The following RAD51B variants were observed in gnomAD, a reference collection of about 807,000 sequenced individuals.
RAD51B encodes DNA repair protein RAD51 homolog 2.
RAD51B carries 38 observed loss-of-function variants against 42.2 expected under a neutral mutation model. The observed-to-expected ratio is 0.90, with a 90% CI of 0.70 to 1.18. The LOEUF (loss-of-function observed/expected upper bound fraction) is 1.18, where lower values mean the gene tolerates loss of function less well. RAD51B is among the 50% of genes most tolerant of loss of function. The pLI, the probability that RAD51B is intolerant of heterozygous loss-of-function variation, is 0.00. For missense variants in RAD51B, 373 were observed against 400.7 expected (o/e 0.93, Z 0.59); for synonymous variants, 154 against 145.2 (o/e 1.06, Z -0.43).
intron 7 of RAD51B, among the ~76,000 whole-genome samples, chr14:68,072,543 G>C (rs1350683301): frequency 6.6e-6 from 1 of 151,978 alleles, no homozygotes; most frequent in Non-Finnish European, 1.5e-5. Context: ...ATTAAGAGTG[G>C]GTCTGCCTTC....
At chr14:68,486,332 G>A (rs1883619289) in intron 10 of RAD51B, among the ~76,000 whole-genome samples, 1 of 152,158 alleles carries the variant, frequency 6.6e-6, no homozygotes, top group Admixed American at 6.5e-5. Context: ...CCAGATCCCT[G>A]CCCATTCTAT....
intron 8 of RAD51B, among the ~76,000 whole-genome samples, chr14:68,410,368 G>A (rs2084384446): frequency 6.6e-6 from 1 of 152,220 alleles, no homozygotes; most frequent in South Asian, 2.1e-4. Context: ...GTAGTAAGGG[G>A]ACAACGGATG....
intron 7 of RAD51B, among the ~76,000 whole-genome samples, chr14:68,237,841 T>TC (rs2080295349): frequency 6.6e-6 from 1 of 150,514 alleles, no homozygotes; most frequent in Admixed American, 6.7e-5. Flanking sequence ...TTCAAGTGAT[T>TC]CCCCTGCCTC....
chr14:68,321,568 G>A (rs775323376), intron 8 of RAD51B, among the ~76,000 whole-genome samples: 1 of 152,142 alleles, frequency 6.6e-6, no homozygotes, highest in Non-Finnish European at 1.5e-5. Flanking sequence ...GCAAATAGCA[G>A]CATTTGATCC....
At chr14:68,263,899 G>A (rs900862149) in intron 7 of RAD51B, among the ~76,000 whole-genome samples, 4 of 152,210 alleles carry the variant, frequency 2.6e-5, no homozygotes, top group African/African-American at 9.6e-5. Flanking sequence ...CCAAAAAGCA[G>A]TATGCAAAGA....
intron 7 of RAD51B, among the ~76,000 whole-genome samples, chr14:67,905,135 C>G (rs1362337128): frequency 1.3e-5 from 2 of 152,014 alleles, no homozygotes; most frequent in African/African-American, 4.8e-5. Context: ...ATATGGCTAG[C>G]CAGTTATCCC....
intron 7 of RAD51B, among the ~76,000 whole-genome samples, chr14:68,141,074 G>C (rs776847647): frequency 6.6e-6 from 1 of 152,162 alleles, no homozygotes; most frequent in Non-Finnish European, 1.5e-5. Flanking sequence ...GTTGAGCATA[G>C]GGTCACCCTT....
chr14:68,111,112 G>C (rs1157265229), intron 7 of RAD51B, among the ~76,000 whole-genome samples: 1 of 151,956 alleles, frequency 6.6e-6, no homozygotes, highest in African/African-American at 2.4e-5. Flanking sequence ...TGCATTGTAG[G>C]GGGTGGACCA....
chr14:68,257,164 C>T (rs748798427), intron 7 of RAD51B, among the ~76,000 whole-genome samples: 28 of 152,044 alleles, frequency 1.8e-4, no homozygotes, highest in Non-Finnish European at 3.7e-4. Flanking sequence ...TTCATAGATA[C>T]AGAAAGTAGA....
At chr14:68,133,756 G>A (rs2077949900) in intron 7 of RAD51B, among the ~76,000 whole-genome samples, 1 of 152,104 alleles carries the variant, frequency 6.6e-6, no homozygotes, top group South Asian at 2.1e-4. Context: ...ACAGGCATGA[G>A]CCACCATGCC....
intron 8 of RAD51B, among the ~76,000 whole-genome samples, chr14:68,312,261 T>C (rs1595694252): frequency 1.3e-5 from 2 of 152,218 alleles, no homozygotes; most frequent in Non-Finnish European, 2.9e-5. Flanking sequence ...AAAATCGCAG[T>C]TCCCTAGAGT....
At position 68,434,086 on chromosome 14, in the gene RAD51B, C is replaced by G. The variant is rs1432803170; in HGVS notation, c.957+22559C>G. Among the ~76,000 whole-genome samples the G allele has an allele frequency of 1.3e-5, 2 of 152,206 alleles. 1 individual carries two copies. The highest frequency in any genetic ancestry group is 4.8e-5 in the African/African-American group (2 of 41,442). ...ATTGCTAAACAGCAAATGTTGCTGC[C>G]TCATCGTTCCTCTGGAAGCTTCGTC... is the stretch of plus-strand genomic sequence containing the variant. On this transcript the variant is annotated intron_variant, in intron 9 of 10. Transcript: ENST00000471583.
At chr14:68,632,733 C>T (rs1011851783) in intron 10 of RAD51B, among the ~76,000 whole-genome samples, 1 of 152,242 alleles carries the variant, frequency 6.6e-6, no homozygotes, top group East Asian at 1.9e-4. Context: ...CCAACAAACC[C>T]ACCGTTGGCC....
intron 7 of RAD51B, among the ~76,000 whole-genome samples, chr14:68,079,902 C>G (rs1249976734): frequency 6.6e-6 from 1 of 152,202 alleles, no homozygotes; most frequent in Non-Finnish European, 1.5e-5. Flanking sequence ...AAGGTCATGT[C>G]TTTTCTTCTT....
chr14:68,353,217 C>T (rs2082826176), intron 8 of RAD51B, among the ~76,000 whole-genome samples: 1 of 152,130 alleles, frequency 6.6e-6, no homozygotes, highest in Non-Finnish European at 1.5e-5. Context: ...GCACAACTGC[C>T]AATAGTACCA....
intron 7 of RAD51B, among the ~76,000 whole-genome samples, chr14:68,016,603 A>C (rs982639857): frequency 2.0e-5 from 3 of 152,226 alleles, no homozygotes; most frequent in Non-Finnish European, 4.4e-5. Flanking sequence ...GGCTTAGAAA[A>C]TTCCTGAAAA....
At chr14:68,005,846 C>T (rs775968116) in intron 7 of RAD51B, among the ~76,000 whole-genome samples, 5 of 152,074 alleles carry the variant, frequency 3.3e-5, no homozygotes, top group Non-Finnish European at 5.9e-5. Flanking sequence ...GGAAGCATAA[C>T]GGCTTCTGGG....
At chr14:68,166,452 G>A (rs1388886011) in intron 7 of RAD51B, among the ~76,000 whole-genome samples, 1 of 151,792 alleles carries the variant, frequency 6.6e-6, no homozygotes, top group Admixed American at 6.6e-5. Flanking sequence ...TAGACCCAGA[G>A]TATAGTAAAA....
intron 11 of RAD51B, among the ~76,000 whole-genome samples, chr14:68,673,649 C>T (rs1431748904): frequency 1.3e-5 from 2 of 151,964 alleles, no homozygotes; most frequent in East Asian, 1.9e-4. Flanking sequence ...TGTATACATG[C>T]ACACACATAC....
Sources: gnomAD v4.1 joint callset for allele counts (sites outside exome capture counted in the v4.1 genomes callset) on GRCh38, gnomAD v4.1.1 for gene constraint, MANE v1.5 for transcripts, NCBI Gene and HGNC (gene_info 2026-07-23, HGNC 2026-07-21) for gene names.